The following KCNQ2 variants were observed in gnomAD, a reference collection of about 807,000 sequenced individuals.
KCNQ2 encodes the protein potassium voltage-gated channel subfamily Q member 2.
In KCNQ2, 14 loss-of-function variants were observed where a neutral mutation model predicts 84.8. The ratio of observed to expected loss-of-function variants is 0.17; its 90% CI spans 0.11 to 0.26. The LOEUF is 0.26. Among genes scored for constraint, KCNQ2 ranks in the 10% least tolerant of loss-of-function variants. KCNQ2 has a pLI of 1.00. For missense variants in KCNQ2, 788 were observed against 1,254.0 expected (o/e 0.63, Z 5.61); for synonymous variants, 599 against 554.1 (o/e 1.08, Z -1.14).
intron 4 of KCNQ2, among the ~76,000 whole-genome samples, chr20:63,443,236 TCACCAC>T (rs1302912002): frequency 9.9e-5 from 4 of 40,406 alleles, no homozygotes; most frequent in South Asian, 9.6e-4. Flanking sequence ...ACCATCACCA[TCACCAC>T]CATCACATCA....
chr20:63,430,394 G>A (rs1250077427), intron 9 of KCNQ2, among the ~76,000 whole-genome samples: 1 of 152,182 alleles, frequency 6.6e-6, no homozygotes, highest in Admixed American at 6.5e-5. Flanking sequence ...GCCCAGCACT[G>A]CACCCACTTC....
intron 1 of KCNQ2, among the ~76,000 whole-genome samples, chr20:63,465,590 G>A (rs1034937942): frequency 9.2e-5 from 14 of 152,334 alleles, no homozygotes; most frequent in African/African-American, 3.4e-4. Context: ...GGGGTCGCAC[G>A]CAGGGGCCAG....
chr20:63,417,875 C>A (rs907907264), intron 12 of KCNQ2, among the ~76,000 whole-genome samples: 2 of 152,196 alleles, frequency 1.3e-5, no homozygotes, highest in South Asian at 2.1e-4. Context: ...CAGGGGCCGC[C>A]GGGACGCAGC....
chr20:63,461,836 C>T (rs1168632097), intron 1 of KCNQ2, among the ~76,000 whole-genome samples: 1 of 143,414 alleles, frequency 7.0e-6, no homozygotes, highest in Non-Finnish European at 1.5e-5. Flanking sequence ...CTGCACCTAC[C>T]CCGGGGCAGC....
intron 1 of KCNQ2, among the ~76,000 whole-genome samples, chr20:63,447,148 G>C (rs948066445): frequency 6.6e-6 from 1 of 151,850 alleles, no homozygotes; most frequent in African/African-American, 2.4e-5. Context: ...GTTTCAGCCT[G>C]GCAGCCTCAT....
rs981556047 is a variant in KCNQ2, at chr20:63,413,669, G to A, written c.1632-88C>T. On this transcript the variant is annotated intron_variant, in intron 14 of 16. Transcript: ENST00000359125. ...ACCTTCCTAGCACCTCTGAGACCTC[G>A]GCGCCTGGAGATGGCTGGACTTGCC... The A allele has an allele frequency of 4.8e-5, 72 of 1,490,022 alleles. No homozygotes were observed. The Admixed American group carries it at 9.5e-4, about 20-fold the overall frequency. The allele number at this position is 1,490,022 out of a possible 1,614,324, so 92.3% of individuals were successfully genotyped here.
intron 12 of KCNQ2, among the ~76,000 whole-genome samples, chr20:63,418,093 T>TG (rs1310246540): frequency 6.6e-6 from 1 of 152,146 alleles, no homozygotes; most frequent in Non-Finnish European, 1.5e-5. Context: ...CAAGCACAGC[T>TG]GGTGAGGCTC....
intron 5 of KCNQ2, 84 bp downstream of exon 5, chr20:63,442,322 G>C (rs1361070689): frequency 1.2e-6 from 2 of 1,604,342 alleles, no homozygotes; most frequent in Non-Finnish European, 1.7e-6. Context: ...TATGGAGCAG[G>C]CTCAGCCAGT....
At chr20:63,432,394 ACAGGGAAGGCCCCACCCT>A (rs2080839331) in intron 8 of KCNQ2, among the ~76,000 whole-genome samples, 65 of 95,428 alleles carry the variant, frequency 6.8e-4, no homozygotes, top group Non-Finnish European at 9.3e-4. Flanking sequence ...GGCCCCACCC[ACAGGGAAGGCCCCACCCT>A]CAGGGAAGGC....
intron 8 of KCNQ2, 139 bp downstream of exon 8, chr20:63,433,670 C>A: frequency 6.5e-7 from 1 of 1,527,976 alleles, no homozygotes; most frequent in South Asian, 1.1e-5. Flanking sequence ...ATAAACCACA[C>A]ACAGAACTCC....
intron 5 of KCNQ2, among the ~76,000 whole-genome samples, chr20:63,440,856 A>T (rs961406663): frequency 2.0e-5 from 3 of 151,946 alleles, no homozygotes; most frequent in Non-Finnish European, 2.9e-5. Flanking sequence ...TGCCACACAG[A>T]GTGGGCGGGA....
intron 1 of KCNQ2, among the ~76,000 whole-genome samples, chr20:63,455,552 T>C (rs1316414235): frequency 6.6e-6 from 1 of 152,064 alleles, no homozygotes; most frequent in African/African-American, 2.4e-5. Context: ...GGGGATCTCC[T>C]CCTGGGACCT....
chr20:63,432,543 G>A (rs1391575116), intron 8 of KCNQ2, among the ~76,000 whole-genome samples: 4 of 143,942 alleles, frequency 2.8e-5, no homozygotes, highest in South Asian at 2.2e-4. Context: ...CACCCTCTGG[G>A]AAGGCCCCAC....
Position 63,403,787 on chromosome 20 carries a change from A to G in KCNQ2, c.*2857T>C, listed in dbSNP as rs979130485. ...CACGTGTGTGTGCCAGTGGGCACGT[A>G]GGGATGTGCACTCTAACAAACACTG... On this transcript the variant is annotated 3_prime_UTR_variant, in exon 17 of 17. Coordinates refer to ENST00000359125, the MANE Select transcript of KCNQ2 (RefSeq NM_172107.4). 6.6e-6 allele frequency: 1 copy of G among 152,298 alleles called. No individual in the cohort carries two copies. The highest frequency in any genetic ancestry group is 2.4e-5 in the African/African-American group (1 of 41,458). The allele number at this position is 152,298 out of a possible 1,614,324, so 9.4% of individuals were successfully genotyped here.
At chr20:63,452,647 G>C (rs556683490) in intron 1 of KCNQ2, among the ~76,000 whole-genome samples, 1 of 152,382 alleles carries the variant, frequency 6.6e-6, no homozygotes, top group East Asian at 1.9e-4. Context: ...TGGGACTGCA[G>C]CAGGAACGGG....
chr20:63,466,382 C>CAG (rs2082083016), intron 1 of KCNQ2: 1 of 152,326 alleles, frequency 6.6e-6, no homozygotes, highest in South Asian at 2.1e-4. Flanking sequence ...CAACCCACGA[C>CAG]CTGGCCCTCA....
chr20:63,465,344 G>C (rs1428026562), intron 1 of KCNQ2, among the ~76,000 whole-genome samples: 1 of 152,258 alleles, frequency 6.6e-6, no homozygotes, highest in Non-Finnish European at 1.5e-5. Flanking sequence ...CAGGCTAAAG[G>C]GGAAACAGAG....
intron 1 of KCNQ2, chr20:63,453,862 T>G (rs1341130073): frequency 6.6e-6 from 1 of 152,084 alleles, no homozygotes; most frequent in Non-Finnish European, 1.5e-5. Context: ...CTGACCAGAC[T>G]TGAGAACAGG....
Position 63,406,509 on chromosome 20 carries a change from GGGCC to G in KCNQ2, c.*131_*134del. The stretch of plus-strand genomic sequence containing the variant: ...GGAGCCCCCATCCTTCAGCCCACAT[GGGCC>G]CCTCCAGGGCCCACCCTTCCCGCCA... On this transcript the variant is annotated 3_prime_UTR_variant, in exon 17 of 17. Coordinates refer to ENST00000359125, the MANE Select transcript of KCNQ2 (RefSeq NM_172107.4). 9.3e-7 allele frequency: 1 copy of G among 1,077,498 alleles called. No individual in the cohort carries two copies. The highest frequency in any genetic ancestry group is 1.7e-5 in the South Asian group (1 of 59,606). 66.7% of individuals were successfully genotyped at this position (1,077,498 alleles called of 1,614,324 possible). A position where few individuals can be genotyped will look rare whatever the true frequency, so the allele number is the denominator to read the frequency against.
Sources: allele counts gnomAD v4.1 joint callset (sites outside exome capture counted in the v4.1 genomes callset), GRCh38; gene constraint gnomAD v4.1.1; transcripts MANE v1.5; gene names NCBI Gene and HGNC (gene_info 2026-07-23, HGNC 2026-07-21).